Variants in PTPRK observed in about 807,000 individuals in gnomAD.
The protein encoded by PTPRK is protein tyrosine phosphatase receptor type K.
In PTPRK, 75 loss-of-function variants were observed where a neutral mutation model predicts 178.0. The ratio of observed to expected loss-of-function variants is 0.42; its 90% CI spans 0.35 to 0.51. The LOEUF is 0.51. PTPRK is among the 20% of genes least tolerant of loss of function. The probability of loss-of-function intolerance (pLI) is 0.02; values close to 1 mark genes in which losing one functional copy is unlikely to be tolerated. For synonymous variants in PTPRK, 637 were observed against 620.6 expected (o/e 1.03, Z -0.39); for missense variants, 1,441 against 1,797.8 (o/e 0.80, Z 3.59).
intron 5 of PTPRK, among the ~76,000 whole-genome samples, chr6:128,222,346 C>T (rs1810569450): frequency 2.0e-5 from 3 of 152,202 alleles, no homozygotes; most frequent in Non-Finnish European, 4.4e-5. Context: ...CTACCATTTT[C>T]CTGGTTCCTA....
intron 13 of PTPRK, among the ~76,000 whole-genome samples, chr6:128,037,514 A>G (rs982735712): frequency 1.3e-5 from 2 of 152,198 alleles, no homozygotes; most frequent in Middle Eastern, 6.3e-3. Context: ...TCTTAAAATA[A>G]TATTTACAAA....
At chr6:128,040,729 CTT>C (rs1246880335) in intron 13 of PTPRK, among the ~76,000 whole-genome samples, 1 of 152,094 alleles carries the variant, frequency 6.6e-6, no homozygotes, top group Non-Finnish European at 1.5e-5. Flanking sequence ...ATGAGTATCA[CTT>C]TGTCACCTCT....
At position 127,970,270 on chromosome 6, in the gene PTPRK, C is replaced by T. The variant is rs1202657000; in HGVS notation, c.4280G>A (p.Arg1427His). 11 of 1,610,252 alleles carry T rather than the reference C, an allele frequency of 6.8e-6. No individual in the cohort carries two copies. In the Admixed American group the frequency reaches 8.4e-5, roughly 12 times the overall value. ...CTCCAAAGCTACATCATAGCAGAAA[C>T]GGTATTGCTCCTGAAAGATGTCAAA... Reference protein sequence around the residue: ...PNMVEAPEQYRFCYDVALEYL... With the variant: ...PNMVEAPEQYHFCYDVALEYL... The change falls in exon 30 of 30, where the codon CGT (arginine) becomes CAT (histidine). Residue 1427 changes from arginine (R) to histidine (H), a missense_variant. Transcript: ENST00000368226.
At chr6:128,474,013 G>A (rs1200157865) in intron 1 of PTPRK, among the ~76,000 whole-genome samples, 1 of 152,018 alleles carries the variant, frequency 6.6e-6, no homozygotes, top group Admixed American at 6.6e-5. Flanking sequence ...AGATCTTCAT[G>A]CAATAACCAC....
intron 7 of PTPRK, among the ~76,000 whole-genome samples, chr6:128,138,473 G>T (rs1355515511): frequency 6.6e-6 from 1 of 152,054 alleles, no homozygotes; most frequent in Non-Finnish European, 1.5e-5. Flanking sequence ...TATTCAAGAA[G>T]GTCCAATGTT....
intron 7 of PTPRK, among the ~76,000 whole-genome samples, chr6:128,144,146 G>T (rs1255566306): frequency 6.6e-6 from 1 of 151,968 alleles, no homozygotes; most frequent in African/African-American, 2.4e-5. Flanking sequence ...AACTCACCCA[G>T]GTGGCCCTCT....
intron 3 of PTPRK, among the ~76,000 whole-genome samples, chr6:128,287,035 T>C (rs778427863): frequency 1.6e-4 from 24 of 152,196 alleles, no homozygotes; most frequent in Non-Finnish European, 2.8e-4. Flanking sequence ...TATTCCAATT[T>C]GAAATGATCC....
intron 13 of PTPRK, among the ~76,000 whole-genome samples, chr6:128,048,205 G>C (rs1778390973): frequency 2.0e-5 from 3 of 152,164 alleles, no homozygotes; most frequent in Admixed American, 1.3e-4. Flanking sequence ...GCAGTGTCAG[G>C]GGTAAACTCA....
At chr6:128,360,191 T>C (rs546599276) in intron 2 of PTPRK, among the ~76,000 whole-genome samples, 1 of 152,314 alleles carries the variant, frequency 6.6e-6, no homozygotes, top group South Asian at 2.1e-4. Flanking sequence ...CACAACATTC[T>C]AACAAAAATT....
At chr6:128,488,687 A>G (rs796932959) in intron 1 of PTPRK, among the ~76,000 whole-genome samples, 1 of 152,360 alleles carries the variant, frequency 6.6e-6, no homozygotes, top group African/African-American at 2.4e-5. Context: ...AAACCTCCAT[A>G]GGATTTCTGG....
chr6:128,055,990 C>CTTTTTTTTTTTT (rs60796705), intron 13 of PTPRK, among the ~76,000 whole-genome samples: 1 of 132,668 alleles, frequency 7.5e-6, no homozygotes, highest in Non-Finnish European at 1.6e-5. Context: ...TTTTTCTTTT[C>CTTTTTTTTTTTT]TTTTTTTTTT....
chr6:128,021,540 T>G (rs765356669), intron 13 of PTPRK, among the ~76,000 whole-genome samples: 2 of 152,106 alleles, frequency 1.3e-5, no homozygotes, highest in Non-Finnish European at 2.9e-5. Context: ...GGAGGGAGGC[T>G]GAGGCAGGAG....
intron 13 of PTPRK, among the ~76,000 whole-genome samples, chr6:128,029,550 C>T (rs533080843): frequency 1.7e-3 from 255 of 151,140 alleles, no homozygotes; most frequent in African/African-American, 5.8e-3. Flanking sequence ...ACTGGGGAGG[C>T]GAGGCAGAAA....
At chr6:128,411,203 A>G (rs1413240796) in intron 1 of PTPRK, among the ~76,000 whole-genome samples, 1 of 151,998 alleles carries the variant, frequency 6.6e-6, no homozygotes, top group Non-Finnish European at 1.5e-5. Context: ...TACCAGCCTT[A>G]AGTTTATAAT....
intron 15 of PTPRK, chr6:127,999,952 G>C (rs1277679095): frequency 1.1e-6 from 1 of 912,710 alleles, no homozygotes; most frequent in Non-Finnish European, 1.3e-6. Context: ...TTCTTTTTCT[G>C]TCATAAGAAG....
intron 3 of PTPRK, among the ~76,000 whole-genome samples, chr6:128,286,915 C>A (rs568724733): frequency 9.4e-4 from 143 of 152,270 alleles, no homozygotes; most frequent in African/African-American, 3.3e-3. Context: ...TCTAGCCTGG[C>A]TGATGGGAGT....
intron 1 of PTPRK, among the ~76,000 whole-genome samples, chr6:128,480,786 T>C (rs1851976720): frequency 6.6e-6 from 1 of 152,198 alleles, no homozygotes; most frequent in African/African-American, 2.4e-5. Context: ...CTGCCCACTT[T>C]ATCAGAATGC....
intron 1 of PTPRK, among the ~76,000 whole-genome samples, chr6:128,467,068 T>A (rs1020707816): frequency 2.0e-5 from 3 of 152,130 alleles, no homozygotes; most frequent in African/African-American, 7.2e-5. Flanking sequence ...AGTGGCACAG[T>A]CACAGCTCAC....
At chr6:127,980,601 C>T (rs1775218024) in intron 25 of PTPRK, among the ~76,000 whole-genome samples, 1 of 152,012 alleles carries the variant, frequency 6.6e-6, no homozygotes, top group Non-Finnish European at 1.5e-5. Context: ...CAAGATTGTT[C>T]TTTCATTATG....
Sources: gnomAD v4.1 joint callset for allele counts (sites outside exome capture counted in the v4.1 genomes callset) on GRCh38, gnomAD v4.1.1 for gene constraint, MANE v1.5 for transcripts, NCBI Gene and HGNC (gene_info 2026-07-23, HGNC 2026-07-21) for gene names.